The following TYW1 variants were observed in gnomAD, a reference collection of about 807,000 sequenced individuals.
The protein encoded by TYW1 is S-adenosyl-L-methionine-dependent tRNA 4-demethylwyosine synthase TYW1.
In TYW1, 46 loss-of-function variants were observed where a neutral mutation model predicts 96.2. The observed-to-expected ratio is 0.48, with a 90% CI of 0.38 to 0.61. The LOEUF (loss-of-function observed/expected upper bound fraction) is 0.61, where lower values mean the gene tolerates loss of function less well. Among genes scored for constraint, TYW1 ranks in the 20% least tolerant of loss-of-function variants. The pLI, the probability that TYW1 is intolerant of heterozygous loss-of-function variation, is 0.00. For synonymous variants in TYW1, 274 were observed against 323.0 expected (o/e 0.85, Z 1.63); for missense variants, 684 against 909.6 (o/e 0.75, Z 3.19).
chr7:67,194,268 T>G (rs1479405116), intron 14 of TYW1, among the ~76,000 whole-genome samples: 1 of 151,950 alleles, frequency 6.6e-6, no homozygotes, highest in African/African-American at 2.4e-5. Context: ...CAAATATATT[T>G]CCCTTTTGGC....
rs376519717 is a variant in TYW1 at position 67,183,176 on chromosome 7, C to T, written c.1749C>T (p.Asp583=). ...CGCTCGTGAAAGCATGGAACGTGGA[C>T]GAGCTCCAGGCCTACGCGCAGCTCG... is the stretch of plus-strand genomic sequence containing the variant. ...RLTLVKAWNV[D]ELQAYAQLVS... Residue 583 remains aspartate (D), a synonymous_variant, in exon 14 of 16, where the codon GAC becomes GAT. Coordinates refer to ENST00000359626, the MANE Select transcript of TYW1 (RefSeq NM_018264.4). The T allele has an allele frequency of 1.3e-5, 21 of 1,611,822 alleles. No homozygotes were observed. The East Asian group carries it at 1.3e-4, about 10-fold the overall frequency.
chr7:67,139,419 A>G (rs1798370806), intron 13 of TYW1, among the ~76,000 whole-genome samples: 1 of 152,214 alleles, frequency 6.6e-6, no homozygotes, highest in Admixed American at 6.5e-5. Flanking sequence ...TTGAAACAAA[A>G]TGTACACACA....
At chr7:67,033,331 G>C (rs896237793) in intron 7 of TYW1, among the ~76,000 whole-genome samples, 1 of 152,140 alleles carries the variant, frequency 6.6e-6, no homozygotes, top group Admixed American at 6.6e-5. Flanking sequence ...CCCCCATCCT[G>C]CTGTCAGGGG....
intron 7 of TYW1, among the ~76,000 whole-genome samples, chr7:67,037,757 C>T (rs550294642): frequency 7.1e-4 from 108 of 151,874 alleles, no homozygotes; most frequent in African/African-American, 2.4e-3. Flanking sequence ...TGCTTGAGCC[C>T]GGGAATTTGA....
chr7:67,073,767 C>CA (rs71526599), intron 10 of TYW1, among the ~76,000 whole-genome samples: 475 of 42,280 alleles, frequency 0.011, 29 homozygotes, highest in African/African-American at 0.025. Flanking sequence ...CGAGACTCTT[C>CA]AAAAAAAAAA....
At chr7:67,009,530 G>A (rs1219262171) in intron 3 of TYW1, 53 bp from the exon 4 acceptor site, 12 of 1,518,426 alleles carry the variant, frequency 7.9e-6, no homozygotes, top group Middle Eastern at 1.7e-4. Context: ...GGTAATGAGG[G>A]TTATATTTGG....
chr7:67,004,442 T>G (rs1488175893), intron 3 of TYW1, among the ~76,000 whole-genome samples: 1 of 152,152 alleles, frequency 6.6e-6, no homozygotes, highest in South Asian at 2.1e-4. Context: ...GTTTCCTCTC[T>G]TGCTATGTGA....
intron 14 of TYW1, among the ~76,000 whole-genome samples, chr7:67,189,847 T>A (rs1266308588): frequency 6.6e-6 from 1 of 152,166 alleles, no homozygotes; most frequent in Non-Finnish European, 1.5e-5. Flanking sequence ...TCCTTGTAAA[T>A]TAGCATGTAT....
At chr7:67,046,206 G>T (rs575140312) in intron 7 of TYW1, among the ~76,000 whole-genome samples, 129 of 152,234 alleles carry the variant, frequency 8.5e-4, no homozygotes, top group African/African-American at 3.1e-3. Context: ...TCTGATTGGC[G>T]CATGCCCTGA....
intron 12 of TYW1, among the ~76,000 whole-genome samples, chr7:67,109,198 C>T (rs1226804656): frequency 5.6e-5 from 8 of 141,674 alleles, no homozygotes; most frequent in South Asian, 2.3e-4. Context: ...GGTGTGAACC[C>T]GGGAGGCAGA....
intron 15 of TYW1, among the ~76,000 whole-genome samples, chr7:67,207,681 C>CTTTTTTTTTTTTTT (rs11286327): frequency 1.7e-5 from 2 of 116,580 alleles, no homozygotes; most frequent in African/African-American, 6.5e-5. Flanking sequence ...TTTTGTTTGC[C>CTTTTTTTTTTTTTT]TTTTTTTTTT....
Position 67,161,915 on chromosome 7 carries a change from G to C in TYW1, c.1699-21211G>C, listed in dbSNP as rs370621448. 7.9e-5 allele frequency among the ~76,000 whole-genome samples: 12 copies of C among 152,052 alleles called. No individual in the cohort carries two copies. In the East Asian group the frequency reaches 1.4e-3, roughly 17 times the overall value. ...AGGAAACTTTATAGGCTTACTTCAC[G>C]GACTGAGTCACCTTCTAAAGAGTCT... On this transcript the variant is annotated intron_variant, in intron 13 of 15. Coordinates refer to ENST00000359626, the MANE Select transcript of TYW1 (RefSeq NM_018264.4).
intron 13 of TYW1, among the ~76,000 whole-genome samples, chr7:67,140,005 C>A (rs1798393921): frequency 6.6e-6 from 1 of 151,932 alleles, no homozygotes; most frequent in South Asian, 2.1e-4. Context: ...TTCCACATGG[C>A]TGGAGAAGCC....
At chr7:67,199,831 A>G (rs542610853) in intron 15 of TYW1, among the ~76,000 whole-genome samples, 1 of 152,174 alleles carries the variant, frequency 6.6e-6, no homozygotes, top group Non-Finnish European at 1.5e-5. Context: ...GGCCATTATC[A>G]ACATTAAAAG....
intron 15 of TYW1, among the ~76,000 whole-genome samples, chr7:67,214,214 C>T (rs1056487989): frequency 6.6e-6 from 1 of 151,972 alleles, no homozygotes; most frequent in African/African-American, 2.4e-5. Context: ...TATATATATC[C>T]TGTATATGTT....
intron 15 of TYW1, among the ~76,000 whole-genome samples, chr7:67,226,063 G>A (rs1050783590): frequency 1.3e-4 from 20 of 151,910 alleles, no homozygotes; most frequent in African/African-American, 4.1e-4. Context: ...AGATACCACT[G>A]TAATGAAACC....
At chr7:67,228,893 T>A (rs1024983033) in intron 15 of TYW1, among the ~76,000 whole-genome samples, 1 of 152,218 alleles carries the variant, frequency 6.6e-6, no homozygotes, top group African/African-American at 2.4e-5. Flanking sequence ...GATGAGTCTC[T>A]GGAGAAGTTA....
At chr7:67,119,756 T>C (rs999433105) in intron 13 of TYW1, among the ~76,000 whole-genome samples, 7 of 152,140 alleles carry the variant, frequency 4.6e-5, no homozygotes, top group Non-Finnish European at 7.4e-5. Flanking sequence ...GCACAATGTC[T>C]AGCATAGTAC....
At chr7:67,209,665 C>T (rs1356931490) in intron 15 of TYW1, among the ~76,000 whole-genome samples, 7 of 152,208 alleles carry the variant, frequency 4.6e-5, no homozygotes, top group Admixed American at 1.3e-4. Flanking sequence ...CTCCATCTCC[C>T]GGGTTCAAGC....
Sources: gnomAD v4.1 joint callset for allele counts (sites outside exome capture counted in the v4.1 genomes callset) on GRCh38, gnomAD v4.1.1 for gene constraint, MANE v1.5 for transcripts, NCBI Gene and HGNC (gene_info 2026-07-23, HGNC 2026-07-21) for gene names.